The following NLRP7 variants were observed in gnomAD, a reference collection of about 807,000 sequenced individuals.
The protein encoded by NLRP7 is NACHT, LRR and PYD domains-containing protein 7.
In NLRP7, 72 loss-of-function variants were observed where a neutral mutation model predicts 85.5. The observed-to-expected ratio is 0.84, with a 90% CI of 0.70 to 1.02. NLRP7 has a LOEUF of 1.02. Among genes scored for constraint, NLRP7 ranks in the 50% least tolerant of loss-of-function variants. The pLI is 0.00. For synonymous variants in NLRP7, 550 were observed against 505.2 expected, an observed-to-expected ratio of 1.09 and a Z score of -1.19; for missense variants, 1,243 against 1,219.5, an observed-to-expected ratio of 1.02 and a Z score of -0.29.
exon 4 of NLRP7, chr19:54,939,346 G>A: frequency 1.9e-6 from 3 of 1,613,996 alleles, no homozygotes; most frequent in East Asian, 2.2e-5. Flanking sequence ...AGGCGTGGCC[G>A]TCCCTGTCCT....
chr19:54,941,321 A>T, intron 2 of NLRP7, 114 bp downstream of exon 2: 1 of 791,172 alleles, frequency 1.3e-6, no homozygotes, highest in East Asian at 2.5e-5. Flanking sequence ...GTGAGCCCAG[A>T]TCTCGCCACT....
At chr19:54,959,140 T>C (rs1260667242) in intron 1 of NLRP7, among the ~76,000 whole-genome samples, 1 of 150,340 alleles carries the variant, frequency 6.7e-6, no homozygotes, top group African/African-American at 2.5e-5. Flanking sequence ...TTTTTCTTTT[T>C]CTTTTTTTTT....
At chr19:54,941,346 C>T in intron 2 of NLRP7, 89 bp downstream of exon 2, 1 of 976,350 alleles carries the variant, frequency 1.0e-6, no homozygotes. Context: ...TCCAGCCTTA[C>T]ACTCCAGCCT....
At chr19:54,930,577 C>G (rs1203619898) in exon 9 of NLRP7, 2 of 1,612,298 alleles carry the variant, frequency 1.2e-6, no homozygotes, top group South Asian at 2.2e-5. Context: ...CTGGTTGATA[C>G]TCAAGTCCAG....
chr19:54,961,822 C>CA lies in NLRP7; in HGVS notation c.-77+4217dup, dbSNP rs533904792. Among the ~76,000 whole-genome samples, 57 of 140,370 alleles carry CA rather than the reference C, an allele frequency of 4.1e-4. 1 individual carries two copies. Among genetic ancestry groups the CA allele is most frequent in the African/African-American group, 1.0e-3 (39 of 38,134 alleles). 92.1% of individuals were successfully genotyped at this position (140,370 alleles called of 152,430 possible). On this transcript the variant is annotated intron_variant, in intron 1 of 2. Coordinates refer to the NLRP7 transcript ENST00000587103. ...GCGAGAGTCTGTCTCAAAAAGGAAA[C>CA]AAAAAAAAAAGTACCTCCAAATTAT...
chr19:54,943,796 A>AT (rs905042888), intron 1 of NLRP7, among the ~76,000 whole-genome samples: 5 of 152,270 alleles, frequency 3.3e-5, no homozygotes, highest in East Asian at 1.9e-4. Context: ...AAATAGACAT[A>AT]AGAGACTCCA....
Position 54,934,792 on chromosome 19 carries a change from C to T in NLRP7, c.2301-133G>A, listed in dbSNP as rs1018930788. 1.3e-5 allele frequency: 9 copies of T among 692,790 alleles called. No individual in the cohort carries two copies. Among genetic ancestry groups the T allele is most frequent in the African/African-American group, 1.1e-4 (6 of 55,384 alleles). 42.9% of individuals were successfully genotyped at this position (692,790 alleles called of 1,614,324 possible). A position where few individuals can be genotyped will look rare whatever the true frequency, so the allele number is the denominator to read the frequency against. On this transcript the variant is annotated intron_variant, in intron 6 of 9. Coordinates refer to ENST00000340844, the Ensembl canonical transcript of NLRP7. This position sits in a 1 kb window ranked among gnomAD's most constrained non-coding sequence, Gnocchi z 6.7. ...AGGCGTGATCTCACCTCACTGCAGCCTCCGCCTCCCGGGTTCAAGCTATTC... is the reference window on the plus strand; with the variant it reads ...AGGCGTGATCTCACCTCACTGCAGCTTCCGCCTCCCGGGTTCAAGCTATTC...
chr19:54,930,510 T>C (rs1169427834), exon 9 of NLRP7: 1 of 1,608,440 alleles, frequency 6.2e-7, no homozygotes, highest in African/African-American at 1.3e-5. Flanking sequence ...GTAGGTGTTT[T>C]AGGTTACAGT....
chr19:54,954,292 C>G (rs1460678728), intron 1 of NLRP7, among the ~76,000 whole-genome samples: 1 of 147,562 alleles, frequency 6.8e-6, no homozygotes, highest in Non-Finnish European at 1.5e-5. Context: ...TTTGGGAGGC[C>G]GAGGCGGGTG....
chr19:54,960,018 A>G (rs2069986240), intron 1 of NLRP7, among the ~76,000 whole-genome samples: 1 of 151,972 alleles, frequency 6.6e-6, no homozygotes, highest in Non-Finnish European at 1.5e-5. Context: ...GTTTCTTATC[A>G]GTTCATCCGA....
intron 1 of NLRP7, among the ~76,000 whole-genome samples, chr19:54,955,660 G>A (rs542412205): frequency 1.1e-4 from 16 of 152,016 alleles, no homozygotes; most frequent in Non-Finnish European, 2.2e-4. Flanking sequence ...GGTCGTGGGC[G>A]CCTGTGGTCC....
intron 8 of NLRP7, among the ~76,000 whole-genome samples, chr19:54,932,361 G>A (rs920888673): frequency 2.0e-5 from 3 of 151,644 alleles, no homozygotes; most frequent in Non-Finnish European, 4.4e-5. Flanking sequence ...CTGGGAGGCA[G>A]AAGTTGCAGT....
chr19:54,957,155 G>A (rs374887826), intron 1 of NLRP7, among the ~76,000 whole-genome samples: 4 of 151,624 alleles, frequency 2.6e-5, no homozygotes, highest in African/African-American at 9.7e-5. Context: ...CCAAGTAGCT[G>A]GGATTACAGG....
chr19:54,946,012 CG>C (rs1218823060), intron 1 of NLRP7, among the ~76,000 whole-genome samples: 1 of 151,902 alleles, frequency 6.6e-6, no homozygotes, highest in African/African-American at 2.4e-5. Context: ...AGGATGGTCT[CG>C]ATCTTCTGAC....
chr19:54,923,759 C>G (rs2068316559), exon 10 of NLRP7: 2 of 1,613,214 alleles, frequency 1.2e-6, no homozygotes, highest in Non-Finnish European at 1.7e-6. Flanking sequence ...AAAGTCACAG[C>G]ACGGAGGTGC....
exon 4 of NLRP7, chr19:54,939,394 G>A (rs981019531): frequency 6.2e-7 from 1 of 1,614,108 alleles, no homozygotes; most frequent in Non-Finnish European, 8.5e-7. Context: ...ACAGGGCAGT[G>A]AGAAACTGCT....
At chr19:54,963,427 T>C (rs1396470868) in intron 1 of NLRP7, among the ~76,000 whole-genome samples, 9 of 151,544 alleles carry the variant, frequency 5.9e-5, no homozygotes, top group Non-Finnish European at 1.3e-4. Flanking sequence ...CGGTGGTTCG[T>C]GCCTGCAACC....
intron 1 of NLRP7, among the ~76,000 whole-genome samples, chr19:54,959,998 T>G (rs2069986055): frequency 6.6e-6 from 1 of 151,962 alleles, no homozygotes; most frequent in Non-Finnish European, 1.5e-5. Context: ...TGAATTGTTT[T>G]TGAATTGTGG....
chr19:54,936,992 G>A (rs1006874822), intron 5 of NLRP7, among the ~76,000 whole-genome samples: 2 of 151,682 alleles, frequency 1.3e-5, no homozygotes, highest in South Asian at 4.2e-4. Context: ...GCCGAGGCGG[G>A]TGGATCACGA....
Sources: allele counts gnomAD v4.1 joint callset (sites outside exome capture counted in the v4.1 genomes callset), GRCh38; gene constraint gnomAD v4.1.1; non-coding constraint Gnocchi (gnomAD v3.1); transcripts MANE v1.5; gene names NCBI Gene and HGNC (gene_info 2026-07-23, HGNC 2026-07-21).